The following DMD variants were observed in gnomAD, a reference collection of about 807,000 sequenced individuals.
DMD encodes mutant dystrophin.
Under a neutral mutation model 330.1 loss-of-function variants are expected in DMD, and 63 were observed. The observed-to-expected ratio is 0.19, with a 90% CI of 0.16 to 0.24. DMD has a LOEUF of 0.24. Among genes scored for constraint, DMD ranks in the 10% least tolerant of loss-of-function variants. DMD has a pLI of 1.00. For missense variants in DMD, 3,344 were observed against 2,684.1 expected, an observed-to-expected ratio of 1.25 and a Z score of -5.43; for synonymous variants, 1,223 against 959.8, an observed-to-expected ratio of 1.27 and a Z score of -5.07.
intron 62 of DMD, among the ~76,000 whole-genome samples, chrX:31,304,050 C>A (rs1485816129): frequency 4.5e-5 from 5 of 112,212 alleles, no homozygotes; most frequent in Non-Finnish European, 9.4e-5. Context: ...TAAGGAGAAT[C>A]AAACCATTTA....
intron 12 of DMD, among the ~76,000 whole-genome samples, chrX:32,603,920 C>T (rs757667821): frequency 5.4e-5 from 6 of 111,067 alleles, no homozygotes; most frequent in African/African-American, 2.0e-4. Flanking sequence ...TTCTACCAGA[C>T]ATGCAAAGAA....
intron 30 of DMD, among the ~76,000 whole-genome samples, chrX:32,394,255 T>A (rs1473318278): frequency 8.9e-6 from 1 of 112,054 alleles, no homozygotes; most frequent in African/African-American, 3.2e-5. Flanking sequence ...AAAACAAAAG[T>A]AAGATGTGAA....
intron 2 of DMD, among the ~76,000 whole-genome samples, chrX:32,878,370 T>C (rs1446157765): frequency 9.0e-6 from 1 of 111,537 alleles, no homozygotes; most frequent in Non-Finnish European, 1.9e-5. Context: ...AGAGTGAGAC[T>C]ACGTCTCAAA....
At chrX:32,535,231 C>T (rs778368643) in intron 17 of DMD, among the ~76,000 whole-genome samples, 10 of 111,490 alleles carry the variant, frequency 9.0e-5, no homozygotes, top group South Asian at 3.8e-4. Context: ...AGAAGATGCA[C>T]GGCCAGAACC....
At chrX:32,896,504 A>G (rs951317227) in intron 2 of DMD, among the ~76,000 whole-genome samples, 2 of 111,773 alleles carry the variant, frequency 1.8e-5, no homozygotes, top group African/African-American at 6.5e-5. Flanking sequence ...GGGCTAACCT[A>G]TAGATTAGAA....
chrX:32,595,637 G>A (rs1190847622), intron 13 of DMD, 120 bp downstream of exon 13: 3 of 677,189 alleles, frequency 4.4e-6, no homozygotes, highest in Non-Finnish European at 6.9e-6. Flanking sequence ...TGTGTATATT[G>A]TACACATATT....
At chrX:32,196,042 T>C (rs957680878) in intron 44 of DMD, among the ~76,000 whole-genome samples, 1 of 112,432 alleles carries the variant, frequency 8.9e-6, no homozygotes, top group Non-Finnish European at 1.9e-5. Context: ...TTTCCCTGTG[T>C]CTTTAAAACT....
intron 64 of DMD, among the ~76,000 whole-genome samples, chrX:31,219,709 G>A (rs2045779360): frequency 9.1e-6 from 1 of 109,550 alleles, no homozygotes; most frequent in South Asian, 3.9e-4. Context: ...ATCTCACCCT[G>A]TCTTCTCATA....
intron 30 of DMD, among the ~76,000 whole-genome samples, chrX:32,400,562 C>G (rs1569561144): frequency 9.1e-6 from 1 of 110,187 alleles, no homozygotes; most frequent in Admixed American, 9.7e-5. Flanking sequence ...CCTCTGCAGC[C>G]AAAAAACACA....
intron 23 of DMD, among the ~76,000 whole-genome samples, chrX:32,465,640 AAGTGG>A (rs1376620037): frequency 7.7e-5 from 7 of 91,177 alleles, no homozygotes; most frequent in Non-Finnish European, 1.0e-4. Flanking sequence ...GGCTGGAGTG[AAGTGG>A]CACAATCTTG....
chrX:32,630,878 C>T (rs759403206), intron 11 of DMD, among the ~76,000 whole-genome samples: 116 of 111,790 alleles, frequency 1.0e-3, no homozygotes, highest in African/African-American at 3.6e-3. Context: ...GGTCTTGATG[C>T]TTCCGGATGT....
chrX:32,416,750 C>T (rs2098167612), intron 29 of DMD, among the ~76,000 whole-genome samples: 1 of 111,470 alleles, frequency 9.0e-6, no homozygotes, highest in Admixed American at 9.6e-5. Flanking sequence ...TCCTACTCAA[C>T]CTGCCCTTCA....
At chrX:32,954,435 C>T (rs2091450992) in intron 2 of DMD, among the ~76,000 whole-genome samples, 1 of 111,735 alleles carries the variant, frequency 8.9e-6, no homozygotes, top group African/African-American at 3.3e-5. Context: ...TACACATGGC[C>T]CTTGAAACAC....
chrX:31,577,596 A>C (rs749970087), intron 55 of DMD, among the ~76,000 whole-genome samples: 1 of 112,525 alleles, frequency 8.9e-6, no homozygotes, highest in Non-Finnish European at 1.9e-5. Flanking sequence ...AATTAATCTA[A>C]GGACAAAGAG....
chrX:32,533,000 T>C (rs2047623167), intron 17 of DMD, among the ~76,000 whole-genome samples: 1 of 112,255 alleles, frequency 8.9e-6, no homozygotes, highest in Non-Finnish European at 1.9e-5. Flanking sequence ...ACATTGTTTA[T>C]GGCTGCTTTC....
intron 64 of DMD, among the ~76,000 whole-genome samples, chrX:31,220,997 G>T (rs4477174): frequency 1.0e-5 from 1 of 98,956 alleles, no homozygotes; most frequent in Admixed American, 1.2e-4. Context: ...GTGGCCCGGA[G>T]AAGCCAAAAG....
chrX:32,846,183 G>A (rs1020516897), intron 3 of DMD, among the ~76,000 whole-genome samples: 6 of 111,691 alleles, frequency 5.4e-5, no homozygotes, highest in Non-Finnish European at 1.9e-5. Flanking sequence ...TCCCCGCCTT[G>A]CAAGGCAGTT....
chrX:31,781,714 C>T (rs1224143950), intron 50 of DMD, among the ~76,000 whole-genome samples: 1 of 111,274 alleles, frequency 9.0e-6, no homozygotes, highest in Non-Finnish European at 1.9e-5. Flanking sequence ...GCACTATTGA[C>T]ATTTTTGTCC....
chrX:32,425,657 T>C (rs1332100272), intron 29 of DMD, among the ~76,000 whole-genome samples: 2 of 111,394 alleles, frequency 1.8e-5, no homozygotes, highest in African/African-American at 6.5e-5. Context: ...CTCCTCACTT[T>C]GGAACACAGA....
Sources: allele counts gnomAD v4.1 joint callset (sites outside exome capture counted in the v4.1 genomes callset), GRCh38; gene constraint gnomAD v4.1.1; transcripts MANE v1.5; gene names NCBI Gene and HGNC (gene_info 2026-07-23, HGNC 2026-07-21).